ST6GALNAC2: variants seen among roughly 807,000 people sequenced by gnomAD.
ST6GALNAC2 encodes the protein ST6 N-acetylgalactosaminide alpha-2,6-sialyltransferase 2, also known as alpha-N-acetylgalactosaminide alpha-2,6-sialyltransferase 2.
ST6GALNAC2 carries 42 observed loss-of-function variants against 38.7 expected under a neutral mutation model. The observed-to-expected ratio is 1.09, with a 90% CI of 0.85 to 1.40. The LOEUF (loss-of-function observed/expected upper bound fraction) is 1.40. Among genes scored for constraint, ST6GALNAC2 ranks in the 40% most tolerant of loss-of-function variants. The probability of loss-of-function intolerance (pLI) is 0.00; values close to 1 mark genes in which losing one functional copy is unlikely to be tolerated. For missense variants in ST6GALNAC2, 506 were observed against 481.7 expected (o/e 1.05, Z -0.47); for synonymous variants, 233 against 209.0 (o/e 1.11, Z -0.99).
chr17:76,576,131 C>T (rs1160556251), intron 2 of ST6GALNAC2, among the ~76,000 whole-genome samples: 1 of 152,094 alleles, frequency 6.6e-6, no homozygotes, highest in Non-Finnish European at 1.5e-5. Flanking sequence ...ACCTATGGTC[C>T]CAGCTACTTG....
At chr17:76,584,107 C>T (rs539338987) in intron 1 of ST6GALNAC2, among the ~76,000 whole-genome samples, 27 of 151,962 alleles carry the variant, frequency 1.8e-4, no homozygotes, top group African/African-American at 6.3e-4. Flanking sequence ...CGTGAGCCAC[C>T]GCGCCCGGCC....
At chr17:76,572,458 A>G (rs1365475585) in intron 5 of ST6GALNAC2, among the ~76,000 whole-genome samples, 179 bp downstream of exon 5, 1 of 152,186 alleles carries the variant, frequency 6.6e-6, no homozygotes, top group Admixed American at 6.5e-5. Flanking sequence ...CTGAATCAGC[A>G]GGGAGTCCGG....
In ST6GALNAC2 at chr17:76,567,528, G is replaced by C; in HGVS notation, c.882C>G (p.Asn294Lys). ...TERFLKSKLI[N>K]THFGDLYMPS... is the part of the protein sequence containing the mutation. ...GCATATATAGGTCTCCAAAATGTGT[G>C]TTAATCAACTTTGATTTCAAGAACC... Residue 294 changes from asparagine (N) to lysine (K), a missense_variant, in exon 8 of 9, where the codon AAC becomes AAG. Transcript: ENST00000225276. 6.2e-7 allele frequency: 1 copy of C among 1,613,740 alleles called. No homozygotes were observed. Among genetic ancestry groups the C allele is most frequent in the Non-Finnish European group, 8.5e-7 (1 of 1,179,796 alleles).
chr17:76,570,239 G>A, intron 6 of ST6GALNAC2: 1 of 304,006 alleles, frequency 3.3e-6, no homozygotes, highest in East Asian at 7.4e-5. Flanking sequence ...CGGCTGGGCT[G>A]GGCAGGGAGA....
At chr17:76,577,535 C>G (rs867622151) in intron 2 of ST6GALNAC2, among the ~76,000 whole-genome samples, 2 of 151,152 alleles carry the variant, frequency 1.3e-5, no homozygotes, top group Non-Finnish European at 1.5e-5. Flanking sequence ...CTCAAGGCCT[C>G]TCTTCAGCCT....
chr17:76,567,578 CT>C, intron 7 of ST6GALNAC2, 26 bp from the exon 8 acceptor site: 1 of 1,485,772 alleles, frequency 6.7e-7, no homozygotes, highest in Non-Finnish European at 9.4e-7. Flanking sequence ...GACATTTCAG[CT>C]CACTAGCTTG....
At chr17:76,570,493 G>T in intron 6 of ST6GALNAC2, 72 bp downstream of exon 6, 1 of 1,086,132 alleles carries the variant, frequency 9.2e-7, no homozygotes, top group East Asian at 2.5e-5. Context: ...GGCCCTGGGA[G>T]CAAAAAGGAG....
intron 8 of ST6GALNAC2, 59 bp from the exon 9 acceptor site, chr17:76,566,330 TG>T: frequency 6.5e-7 from 1 of 1,548,930 alleles, no homozygotes; most frequent in South Asian, 1.1e-5. Flanking sequence ...TACAGACACT[TG>T]GGTGAAGTGA....
At chr17:76,571,458 G>T (rs2075353525) in intron 5 of ST6GALNAC2, among the ~76,000 whole-genome samples, 1 of 152,222 alleles carries the variant, frequency 6.6e-6, no homozygotes, top group Admixed American at 6.5e-5. Context: ...GCCAGGCGTG[G>T]TGGTGCGTGC....
In ST6GALNAC2 at chr17:76,573,033, C is replaced by G. The variant is rs917983209; in HGVS notation, c.530+162G>C. Among the ~76,000 whole-genome samples the G allele has an allele frequency of 6.6e-5, 10 of 152,218 alleles. 1 individual carries two copies. The highest frequency in any genetic ancestry group is 2.2e-4 in the African/African-American group (9 of 41,448). The stretch of plus-strand genomic sequence containing the variant: ...TGCATGGGCACCCATGCTCCGTCCT[C>G]AGGGCCTACTGTTTGTTTTTGCCTT... On this transcript the variant is annotated intron_variant, in intron 4 of 8. Transcript: ENST00000225276. This position sits in a 1 kb window ranked among gnomAD's most constrained non-coding sequence, Gnocchi z 5.1.
chr17:76,568,577 A>G, intron 7 of ST6GALNAC2, 136 bp downstream of exon 7: 1 of 785,788 alleles, frequency 1.3e-6, no homozygotes. Flanking sequence ...AGTGCTTTGC[A>G]CACAGCACTC....
chr17:76,584,908 G>T (rs2075525964), intron 1 of ST6GALNAC2, among the ~76,000 whole-genome samples: 1 of 152,216 alleles, frequency 6.6e-6, no homozygotes. Context: ...GGCTTGGTCC[G>T]CCTTTCTTAA....
chr17:76,577,032 T>C (rs1359044508), intron 2 of ST6GALNAC2, among the ~76,000 whole-genome samples: 1 of 151,356 alleles, frequency 6.6e-6, no homozygotes, highest in East Asian at 1.9e-4. Flanking sequence ...ATGTCAATCT[T>C]GTTGGAACAA....
intron 7 of ST6GALNAC2, chr17:76,568,396 C>CCTGCTGCTGACAGCGCCA: frequency 2.7e-6 from 1 of 367,124 alleles, no homozygotes; most frequent in Non-Finnish European, 5.1e-6. Flanking sequence ...GTTCTGATGC[C>CCTGCTGCTGACAGCGCCA]CTGCTGCTGA....
chr17:76,574,869 G>C (rs2075397876), intron 2 of ST6GALNAC2, among the ~76,000 whole-genome samples: 1 of 152,040 alleles, frequency 6.6e-6, no homozygotes, highest in Admixed American at 6.5e-5. Flanking sequence ...GTAGAGACGG[G>C]GTTTCACCAT....
intron 7 of ST6GALNAC2, 125 bp downstream of exon 7, chr17:76,568,588 G>C: frequency 1.1e-6 from 1 of 875,372 alleles, no homozygotes. Context: ...CACAGCACTC[G>C]GGACAGTGGA....
At chr17:76,567,675 T>G in intron 7 of ST6GALNAC2, 123 bp from the exon 8 acceptor site, 1 of 663,708 alleles carries the variant, frequency 1.5e-6, no homozygotes, top group Non-Finnish European at 2.7e-6. Flanking sequence ...AGTCAGTTCT[T>G]TATTCGGTCC....
chr17:76,571,036 G>T (rs1010456582), intron 5 of ST6GALNAC2: 4 of 184,838 alleles, frequency 2.2e-5, no homozygotes, highest in Middle Eastern at 2.4e-3. Flanking sequence ...CTGCCATGTC[G>T]TGAGGACACT....
At chr17:76,566,562 T>C (rs931705796) in intron 8 of ST6GALNAC2, among the ~76,000 whole-genome samples, 1 of 151,986 alleles carries the variant, frequency 6.6e-6, no homozygotes, top group African/African-American at 2.4e-5. Flanking sequence ...CACTCCTGCA[T>C]CAGAATAGGA....
Sources: gnomAD v4.1 joint callset for allele counts (sites outside exome capture counted in the v4.1 genomes callset) on GRCh38, gnomAD v4.1.1 for gene constraint, Gnocchi (gnomAD v3.1) non-coding constraint, MANE v1.5 for transcripts, NCBI Gene and HGNC (gene_info 2026-07-23, HGNC 2026-07-21) for gene names.